The following MARCHF3 variants were observed in gnomAD, a reference collection of about 807,000 sequenced individuals.
MARCHF3 encodes the protein E3 ubiquitin-protein ligase MARCHF3.
A neutral mutation model predicts 24.2 loss-of-function variants in MARCHF3; 13 were observed. The observed-to-expected ratio is 0.54, with a 90% CI of 0.35 to 0.85. MARCHF3 has a LOEUF of 0.85. Among genes scored for constraint, MARCHF3 ranks in the 40% least tolerant of loss-of-function variants. The pLI, the probability that MARCHF3 is intolerant of heterozygous loss-of-function variation, is 0.01. For missense variants in MARCHF3, 276 were observed against 325.0 expected (o/e 0.85, Z 1.16); for synonymous variants, 144 against 137.3 (o/e 1.05, Z -0.34).
chr5:126,953,101 T>C (rs934450625), intron 1 of MARCHF3, among the ~76,000 whole-genome samples: 2 of 152,184 alleles, frequency 1.3e-5, no homozygotes, highest in African/African-American at 4.8e-5. Flanking sequence ...AATCAAAACA[T>C]TTTCATTTGT....
At chr5:126,953,865 A>G (rs917521008) in intron 1 of MARCHF3, among the ~76,000 whole-genome samples, 4 of 152,182 alleles carry the variant, frequency 2.6e-5, no homozygotes, top group African/African-American at 9.7e-5. Flanking sequence ...GTCTATGCCC[A>G]TTAAATCTTC....
At chr5:126,882,557 G>A (rs1580596510) in intron 3 of MARCHF3, among the ~76,000 whole-genome samples, 2 of 152,168 alleles carry the variant, frequency 1.3e-5, no homozygotes, top group East Asian at 3.9e-4. Flanking sequence ...TATCAGTTAT[G>A]GGGTATATAC....
chr5:126,930,991 T>C (rs560612764), intron 1 of MARCHF3, among the ~76,000 whole-genome samples: 1 of 152,346 alleles, frequency 6.6e-6, no homozygotes, highest in East Asian at 1.9e-4. Flanking sequence ...GAAGCATTCA[T>C]GAAAAATGTG....
chr5:126,913,624 A>G (rs1181134455), intron 3 of MARCHF3, among the ~76,000 whole-genome samples: 2 of 152,242 alleles, frequency 1.3e-5, no homozygotes, highest in East Asian at 3.8e-4. Flanking sequence ...CATGGAGTGT[A>G]TTGGGGCAAG....
At chr5:126,964,937 CTT>C (rs1337247664) in intron 1 of MARCHF3, among the ~76,000 whole-genome samples, 5 of 148,818 alleles carry the variant, frequency 3.4e-5, no homozygotes, top group African/African-American at 1.2e-4. Context: ...GAGGGAATAA[CTT>C]TGAGAAAGAT....
chr5:126,872,235 T>G, intron 4 of MARCHF3, among the ~76,000 whole-genome samples: 1 of 151,806 alleles, frequency 6.6e-6, no homozygotes, highest in Admixed American at 6.6e-5. Flanking sequence ...TGATTTTGTA[T>G]TTTTAGTAGA....
intron 3 of MARCHF3, among the ~76,000 whole-genome samples, chr5:126,906,136 T>C (rs1754284866): frequency 7.0e-6 from 1 of 142,130 alleles, no homozygotes; most frequent in South Asian, 2.3e-4. Context: ...TTGCATATAT[T>C]GAACCAGCCT....
chr5:126,983,885 T>G (rs953401201), intron 1 of MARCHF3, among the ~76,000 whole-genome samples: 1 of 152,208 alleles, frequency 6.6e-6, no homozygotes, highest in Non-Finnish European at 1.5e-5. Flanking sequence ...TTTTTCATGT[T>G]TAGTGTTGGC....
At chr5:126,960,028 A>G (rs143081535) in intron 1 of MARCHF3, among the ~76,000 whole-genome samples, 2 of 152,290 alleles carry the variant, frequency 1.3e-5, no homozygotes, top group East Asian at 3.9e-4. Context: ...TTAGAGTTTT[A>G]GAATGCTATG....
intron 1 of MARCHF3, among the ~76,000 whole-genome samples, chr5:126,924,728 A>T (rs888815077): frequency 6.6e-6 from 1 of 152,260 alleles, no homozygotes; most frequent in African/African-American, 2.4e-5. Flanking sequence ...AGAACAGGAC[A>T]CAAAGGCTCT....
chr5:126,896,251 T>C (rs1753906843), intron 3 of MARCHF3, among the ~76,000 whole-genome samples: 1 of 152,106 alleles, frequency 6.6e-6, no homozygotes, highest in Non-Finnish European at 1.5e-5. Context: ...CAGATGGAAA[T>C]GCAGAAATCA....
chr5:126,980,887 G>T (rs1751370806), intron 1 of MARCHF3, among the ~76,000 whole-genome samples: 1 of 152,212 alleles, frequency 6.6e-6, no homozygotes, highest in Non-Finnish European at 1.5e-5. Flanking sequence ...GAGGGAAGTG[G>T]TGGACAGAGA....
intron 1 of MARCHF3, among the ~76,000 whole-genome samples, chr5:126,980,531 C>T (rs114995352): frequency 1.2e-3 from 185 of 152,056 alleles, no homozygotes; most frequent in East Asian, 5.8e-3. Context: ...CCACCAGGCT[C>T]GGCTAATTTT....
chr5:126,930,280 C>T (rs538450892), intron 1 of MARCHF3, among the ~76,000 whole-genome samples: 2 of 152,146 alleles, frequency 1.3e-5, no homozygotes, highest in Non-Finnish European at 2.9e-5. Context: ...GACTTTTGTC[C>T]TTATGGTAGA....
Position 126,943,413 on chromosome 5 carries a change from AC to A in MARCHF3, c.-56-25187del, listed in dbSNP as rs1334292198. 5.3e-5 allele frequency among the ~76,000 whole-genome samples: 8 copies of A among 152,216 alleles called. No individual in the cohort carries two copies. In the East Asian group the frequency reaches 1.5e-3, roughly 29 times the overall value. ...GGAAACATACGGAGATCCCGTCTAT[AC>A]AAAATAATTAAAACAAATGTTAGCT... On this transcript the variant is annotated intron_variant, in intron 1 of 4. Coordinates refer to ENST00000308660, the MANE Select transcript of MARCHF3 (RefSeq NM_178450.5).
intron 3 of MARCHF3, among the ~76,000 whole-genome samples, chr5:126,903,018 CTG>C (rs777910567): frequency 6.6e-6 from 1 of 152,116 alleles, no homozygotes; most frequent in Non-Finnish European, 1.5e-5. Flanking sequence ...TGCTGGTACA[CTG>C]TCTTTTAGAG....
chr5:126,930,724 C>T (rs1749454461), intron 1 of MARCHF3, among the ~76,000 whole-genome samples: 1 of 152,230 alleles, frequency 6.6e-6, no homozygotes, highest in Admixed American at 6.5e-5. Flanking sequence ...TCCTTCTTCT[C>T]ACTAATAAGG....
At position 126,951,746 on chromosome 5, in the gene MARCHF3, T is replaced by C. The variant is rs115830665; in HGVS notation, c.-56-33519A>G. Among the ~76,000 whole-genome samples the C allele has an allele frequency of 5.7e-3, 861 of 152,322 alleles. 11 individuals are homozygous for C. The highest frequency in any genetic ancestry group is 0.02 in the African/African-American group (827 of 41,578). On this transcript the variant is annotated intron_variant, in intron 1 of 4. Coordinates refer to ENST00000308660, the MANE Select transcript of MARCHF3 (RefSeq NM_178450.5). ...TTTCATGCATCCAGCCAAGAGTAGA[T>C]TAGATGTACACAACAGCTCTGTCTG...
intron 1 of MARCHF3, among the ~76,000 whole-genome samples, chr5:126,992,766 A>ATTTTTTTTTTTTTTTTTTTTTTTTT (rs757479478): frequency 3.1e-5 from 3 of 95,522 alleles, no homozygotes; most frequent in South Asian, 3.9e-4. Flanking sequence ...CATCCACGTG[A>ATTTTTTTTTTTTTTTTTTTTTTTTT]TTTTTTTTTT....
Sources: gnomAD v4.1 joint callset for allele counts (sites outside exome capture counted in the v4.1 genomes callset) on GRCh38, gnomAD v4.1.1 for gene constraint, MANE v1.5 for transcripts, NCBI Gene and HGNC (gene_info 2026-07-23, HGNC 2026-07-21) for gene names.